The following PDS5B variants were observed in gnomAD, a reference collection of about 807,000 sequenced individuals.
PDS5B encodes sister chromatid cohesion protein PDS5 homolog B.
A neutral mutation model predicts 184.1 loss-of-function variants in PDS5B; 51 were observed. The ratio of observed to expected loss-of-function variants is 0.28; its 90% CI spans 0.22 to 0.35. PDS5B has a LOEUF of 0.35. Ranked by LOEUF, PDS5B falls within the 10% of genes least tolerant of loss-of-function variation. PDS5B has a pLI of 1.00. For synonymous variants in PDS5B, 566 were observed against 569.2 expected (o/e 0.99, Z 0.08); for missense variants, 1,180 against 1,723.3 (o/e 0.68, Z 5.58).
At chr13:32,660,652 T>C (rs968045816) in intron 6 of PDS5B, among the ~76,000 whole-genome samples, 1 of 152,230 alleles carries the variant, frequency 6.6e-6, no homozygotes, top group Non-Finnish European at 1.5e-5. Context: ...CAGAGGCATC[T>C]GAGGCCTCCA....
chr13:32,604,320 C>T (rs1038523299), intron 1 of PDS5B, among the ~76,000 whole-genome samples: 6 of 152,098 alleles, frequency 3.9e-5, no homozygotes, highest in Non-Finnish European at 7.4e-5. Context: ...CTTTCTGCAT[C>T]TTTTGAGATA....
In PDS5B at chr13:32,616,195, AG is replaced by A. The variant is rs1227223991; in HGVS notation, c.-20+29604del. ...CAGCCTCCCTAGTAGCTGGGATTACAGGCACCCGCCACCACACCCAGCTAAT... is the reference window on the plus strand; with the variant it reads ...CAGCCTCCCTAGTAGCTGGGATTACAGCACCCGCCACCACACCCAGCTAAT... On this transcript the variant is annotated intron_variant, in intron 1 of 34. Coordinates refer to ENST00000315596, the MANE Select transcript of PDS5B (RefSeq NM_015032.4). Among the ~76,000 whole-genome samples the A allele has an allele frequency of 2.0e-5, 3 of 151,912 alleles. No homozygotes were observed. In the East Asian group the frequency reaches 5.8e-4, roughly 29 times the overall value.
intron 10 of PDS5B, among the ~76,000 whole-genome samples, chr13:32,680,488 A>G (rs1951209194): frequency 1.3e-5 from 2 of 152,246 alleles, no homozygotes; most frequent in African/African-American, 4.8e-5. Flanking sequence ...TGGGAAAAGA[A>G]TGATGGGTTT....
intron 1 of PDS5B, among the ~76,000 whole-genome samples, chr13:32,642,437 G>T (rs941237807): frequency 6.6e-6 from 1 of 152,174 alleles, no homozygotes; most frequent in Non-Finnish European, 1.5e-5. Context: ...GGTTCAAAGT[G>T]TGACTAGCTG....
At chr13:32,773,431 A>G (rs893070991) in intron 34 of PDS5B, 107 bp downstream of exon 34, 1 of 951,560 alleles carries the variant, frequency 1.1e-6, no homozygotes, top group Admixed American at 2.7e-5. Flanking sequence ...TTACTTCATT[A>G]GTTCATAGCA....
chr13:32,677,112 T>C (rs1205225582), intron 9 of PDS5B, among the ~76,000 whole-genome samples: 3 of 152,104 alleles, frequency 2.0e-5, no homozygotes, highest in African/African-American at 7.2e-5. Context: ...TAAGTTGTGA[T>C]AAGTGTTTGT....
chr13:32,673,841 T>C (rs1950998247), intron 8 of PDS5B, among the ~76,000 whole-genome samples: 1 of 152,080 alleles, frequency 6.6e-6, no homozygotes. Context: ...GACAGGATTT[T>C]TTTTTGTTTT....
At chr13:32,620,884 T>C (rs933273405) in intron 1 of PDS5B, among the ~76,000 whole-genome samples, 1 of 152,208 alleles carries the variant, frequency 6.6e-6, no homozygotes, top group Non-Finnish European at 1.5e-5. Context: ...TGGTGAATAA[T>C]AAATTTTTCT....
At chr13:32,684,643 AATG>A (rs1481118345) in intron 11 of PDS5B, among the ~76,000 whole-genome samples, 18 of 152,320 alleles carry the variant, frequency 1.2e-4, no homozygotes, top group African/African-American at 4.1e-4. Context: ...GAAATACTTT[AATG>A]AATGTTCATT....
chr13:32,716,663 G>T lies in PDS5B; in HGVS notation c.2123+6557G>T, dbSNP rs1408401109. On this transcript the variant is annotated intron_variant, in intron 19 of 34. Transcript: ENST00000315596. ...GCCAGCCGCCCCGTTTGGGAGGGAG[G>T]TGGGGGGGGTCAGCCCCCCGCCCGG... 8.1e-5 allele frequency among the ~76,000 whole-genome samples: 9 copies of T among 111,362 alleles called. 1 individual carries two copies. The highest frequency in any genetic ancestry group is 2.7e-4 in the African/African-American group (9 of 32,954). 73.1% of individuals were successfully genotyped at this position (111,362 alleles called of 152,430 possible). A position where few individuals can be genotyped will look rare whatever the true frequency, so the allele number is the denominator to read the frequency against.
chr13:32,679,675 A>G (rs1305265894), intron 10 of PDS5B, among the ~76,000 whole-genome samples: 1 of 152,122 alleles, frequency 6.6e-6, no homozygotes, highest in East Asian at 1.9e-4. Flanking sequence ...AATGAATAAA[A>G]CAGCAGATAT....
intron 11 of PDS5B, among the ~76,000 whole-genome samples, chr13:32,684,399 G>T (rs1275524887): frequency 6.6e-6 from 1 of 152,128 alleles, no homozygotes; most frequent in Non-Finnish European, 1.5e-5. Context: ...GTATGAATTG[G>T]TAGTTGTCTA....
intron 21 of PDS5B, among the ~76,000 whole-genome samples, chr13:32,738,515 T>C (rs1425763035): frequency 6.6e-6 from 1 of 152,220 alleles, no homozygotes; most frequent in Non-Finnish European, 1.5e-5. Context: ...TTTTACCTTT[T>C]ATTCCCCTTG....
chr13:32,686,830 T>G (rs1951407455), intron 11 of PDS5B, among the ~76,000 whole-genome samples: 1 of 152,190 alleles, frequency 6.6e-6, no homozygotes, highest in African/African-American at 2.4e-5. Context: ...TCACCAATTT[T>G]AAGTCACAGT....
rs1950376623 is a variant in PDS5B, at chr13:32,652,024, A to G, written c.312+17A>G. 1 of 1,515,066 alleles carries G rather than the reference A, an allele frequency of 6.6e-7. No homozygotes were observed. Among genetic ancestry groups the G allele is most frequent in the Non-Finnish European group, 9.2e-7 (1 of 1,089,732 alleles). The allele number at this position is 1,515,066 out of a possible 1,614,324, so 93.9% of individuals were successfully genotyped here. The stretch of plus-strand genomic sequence containing the variant: ...AAACTAAAGGCAAGTACTGATTTAA[A>G]TAACTCCAAGATTGACCGATACTTT... On this transcript the variant is annotated intron_variant, in intron 3 of 34. Transcript: ENST00000315596.
intron 27 of PDS5B, 146 bp from the exon 28 acceptor site, chr13:32,758,388 A>G (rs1456051086): frequency 7.5e-6 from 7 of 930,494 alleles, no homozygotes; most frequent in Non-Finnish European, 9.6e-6. Flanking sequence ...GAGCAAAACC[A>G]GTAGTGTAAG....
At chr13:32,731,383 A>G (rs955268838) in intron 19 of PDS5B, among the ~76,000 whole-genome samples, 5 of 152,176 alleles carry the variant, frequency 3.3e-5, no homozygotes, top group African/African-American at 9.7e-5. Flanking sequence ...CCAGGTGGCT[A>G]TATGACTTAC....
intron 2 of PDS5B, chr13:32,650,380 A>G (rs1950339330): frequency 6.6e-6 from 1 of 152,182 alleles, no homozygotes; most frequent in African/African-American, 2.4e-5. Context: ...CTTCTTAGAA[A>G]AATATGAAAA....
intron 19 of PDS5B, among the ~76,000 whole-genome samples, chr13:32,719,357 AT>A (rs1952588363): frequency 6.6e-6 from 1 of 151,768 alleles, no homozygotes; most frequent in Non-Finnish European, 1.5e-5. Flanking sequence ...TAAATTTTGT[AT>A]TTTTTGTAGA....
Sources: allele counts gnomAD v4.1 joint callset (sites outside exome capture counted in the v4.1 genomes callset), GRCh38; gene constraint gnomAD v4.1.1; transcripts MANE v1.5; gene names NCBI Gene and HGNC (gene_info 2026-07-23, HGNC 2026-07-21).